Variants in KIAA1328 observed in about 807,000 individuals in gnomAD.
KIAA1328 encodes protein hinderin.
In KIAA1328, 52 loss-of-function variants were observed where a neutral mutation model predicts 68.1. That is an observed-to-expected ratio of 0.76 (90% confidence interval 0.61 to 0.96). The LOEUF is 0.96. KIAA1328 is among the 40% of genes least tolerant of loss of function. KIAA1328 has a pLI of 0.00. For missense variants in KIAA1328, 641 were observed against 677.6 expected (o/e 0.95, Z 0.60); for synonymous variants, 232 against 239.4 (o/e 0.97, Z 0.28).
chr18:36,968,577 G>C (rs1357783789), intron 6 of KIAA1328, among the ~76,000 whole-genome samples: 1 of 152,164 alleles, frequency 6.6e-6, no homozygotes, highest in African/African-American at 2.4e-5. Context: ...AATTCAACAT[G>C]AAAACCTAAT....
intron 4 of KIAA1328, among the ~76,000 whole-genome samples, chr18:36,868,355 G>A (rs1055632808): frequency 2.6e-5 from 4 of 152,186 alleles, no homozygotes; most frequent in Non-Finnish European, 5.9e-5. Flanking sequence ...TTTTGTACAA[G>A]ATTGCAAAAT....
At chr18:37,038,066 A>G (rs1287752756) in intron 6 of KIAA1328, among the ~76,000 whole-genome samples, 1 of 151,672 alleles carries the variant, frequency 6.6e-6, no homozygotes, top group Non-Finnish European at 1.5e-5. Context: ...GTGCCACTGC[A>G]CTCTAGCCTG....
At chr18:37,216,686 G>A (rs751376237) in intron 9 of KIAA1328, among the ~76,000 whole-genome samples, 2 of 152,074 alleles carry the variant, frequency 1.3e-5, no homozygotes, top group Non-Finnish European at 2.9e-5. Flanking sequence ...GGATATCCTT[G>A]TTAACCTGCT....
At chr18:36,998,108 C>G (rs1167116148) in intron 6 of KIAA1328, among the ~76,000 whole-genome samples, 2 of 152,162 alleles carry the variant, frequency 1.3e-5, no homozygotes, top group Admixed American at 6.5e-5. Flanking sequence ...CTTTGGAGAG[C>G]CTGAGTATAA....
At chr18:36,925,342 G>T (rs1026882003) in intron 5 of KIAA1328, among the ~76,000 whole-genome samples, 6 of 152,096 alleles carry the variant, frequency 3.9e-5, no homozygotes, top group Admixed American at 2.0e-4. Context: ...GAAAGAAGAA[G>T]GGCTGAGCTG....
intron 7 of KIAA1328, among the ~76,000 whole-genome samples, chr18:37,134,803 AC>A (rs1260603697): frequency 2.0e-4 from 30 of 152,144 alleles, no homozygotes; most frequent in Non-Finnish European, 3.8e-4. Flanking sequence ...TGACCCTATC[AC>A]CCAGGTACTG....
At chr18:37,013,046 G>A (rs1481615826) in intron 6 of KIAA1328, among the ~76,000 whole-genome samples, 1 of 152,076 alleles carries the variant, frequency 6.6e-6, no homozygotes, top group Non-Finnish European at 1.5e-5. Context: ...AACTCCCTGG[G>A]TGGCAATCAC....
chr18:37,179,612 T>C (rs931623483), intron 9 of KIAA1328, among the ~76,000 whole-genome samples: 4 of 152,138 alleles, frequency 2.6e-5, no homozygotes, highest in Non-Finnish European at 4.4e-5. Flanking sequence ...CCACTGAGAC[T>C]GAGAGCCAGG....
At chr18:37,019,478 C>A (rs1220475827) in intron 6 of KIAA1328, among the ~76,000 whole-genome samples, 1 of 152,266 alleles carries the variant, frequency 6.6e-6, no homozygotes, top group Non-Finnish European at 1.5e-5. Context: ...AACAACAGAT[C>A]TGGACCAGGC....
Position 37,098,087 on chromosome 18 carries a change from C to G in KIAA1328, c.1232+30542C>G, listed in dbSNP as rs146121298. Among the ~76,000 whole-genome samples the G allele has an allele frequency of 1.8e-3, 279 of 152,302 alleles. 3 individuals are homozygous for G. Among genetic ancestry groups the G allele is most frequent in the African/African-American group, 6.5e-3 (271 of 41,570 alleles). ...CATTTCCTTCTCGTGCCTGATTGCT[C>G]TGGCCAGAACTTCCAATACTATGTT... On this transcript the variant is annotated intron_variant, in intron 7 of 9. Coordinates refer to ENST00000280020, the MANE Select transcript of KIAA1328 (RefSeq NM_020776.3).
At chr18:37,022,237 G>C (rs2054376574) in intron 6 of KIAA1328, among the ~76,000 whole-genome samples, 1 of 152,042 alleles carries the variant, frequency 6.6e-6, no homozygotes, top group African/African-American at 2.4e-5. Flanking sequence ...CTTTTAGTCT[G>C]ATAGAGTGTC....
At chr18:37,111,843 C>A (rs753796883) in intron 7 of KIAA1328, among the ~76,000 whole-genome samples, 8 of 152,174 alleles carry the variant, frequency 5.3e-5, no homozygotes, top group Admixed American at 3.9e-4. Context: ...CTTTCCCAAC[C>A]GTCTTAGCAA....
At chr18:36,991,530 G>A (rs1427904008) in intron 6 of KIAA1328, among the ~76,000 whole-genome samples, 1 of 152,118 alleles carries the variant, frequency 6.6e-6, no homozygotes, top group Non-Finnish European at 1.5e-5. Flanking sequence ...ATATTTGACA[G>A]TTTTTTCATC....
chr18:37,046,231 T>C (rs1256631240), intron 6 of KIAA1328, among the ~76,000 whole-genome samples: 4 of 152,240 alleles, frequency 2.6e-5, no homozygotes, highest in Non-Finnish European at 5.9e-5. Context: ...CAGCCATAAA[T>C]TATATTTCAG....
At position 37,152,712 on chromosome 18, in the gene KIAA1328, T is replaced by A. The variant is rs183825152; in HGVS notation, c.1233-7488T>A. On this transcript the variant is annotated intron_variant, in intron 7 of 9. Coordinates refer to ENST00000280020, the MANE Select transcript of KIAA1328 (RefSeq NM_020776.3). The stretch of plus-strand genomic sequence containing the variant: ...TAGCTGTGGTGACAGAATATTATTT[T>A]AATACAAAAGTATTAAGTAAGTAAT... 1.8e-3 allele frequency among the ~76,000 whole-genome samples: 278 copies of A among 152,318 alleles called. 3 individuals are homozygous for A. The highest frequency in any genetic ancestry group is 6.5e-3 in the African/African-American group (270 of 41,570).
Position 37,222,087 on chromosome 18 carries a change from C to T in KIAA1328, c.1594C>T (p.Pro532Ser). Residue 532 changes from proline (P) to serine (S), a missense_variant, in exon 10 of 10, where the codon CCC becomes TCC. By Grantham distance (74) the Pro-to-Ser change is moderately conservative. Transcript: ENST00000280020. The stretch of plus-strand genomic sequence containing the variant: ...CTCTGCGCCCAAACCTCAGCGCTAT[C>T]CCTCCAGAGAAGCTGGGGCCTGGAA... ...PNSAPKPQRYPSREAGAWNHG... is the reference protein window; with the variant it reads ...PNSAPKPQRYSSREAGAWNHG... The T allele has an allele frequency of 2.5e-6, 4 of 1,613,690 alleles. No individual in the cohort carries two copies. Among genetic ancestry groups the T allele is most frequent in the Non-Finnish European group, 2.5e-6 (3 of 1,179,816 alleles).
At chr18:36,922,726 AGAAG>A (rs2151114646) in intron 5 of KIAA1328, among the ~76,000 whole-genome samples, 1 of 152,326 alleles carries the variant, frequency 6.6e-6, no homozygotes, top group South Asian at 2.1e-4. Flanking sequence ...TTAACTCAAC[AGAAG>A]TCTAAAGAAG....
Position 36,844,254 on chromosome 18 carries a change from G to A in KIAA1328, c.284G>A (p.Cys95Tyr), listed in dbSNP as rs1245905576. Residue 95 changes from cysteine (C) to tyrosine (Y), a missense_variant, in exon 4 of 10, where the codon TGT becomes TAT. Transcript: ENST00000280020. ...EIKSASLKDLCLEDKRRIANL... is the reference protein window; with the variant it reads ...EIKSASLKDLYLEDKRRIANL... ...AAGAGTGCATCATTGAAGGATTTAT[G>A]TCTTGAAGACAAAAGACGCATTGCA... 1.1e-5 allele frequency: 17 copies of A among 1,606,444 alleles called. No individual in the cohort carries two copies. In the South Asian group the frequency reaches 1.7e-4, roughly 16 times the overall value.
chr18:37,044,550 C>G (rs894489435), intron 6 of KIAA1328, among the ~76,000 whole-genome samples: 1 of 152,128 alleles, frequency 6.6e-6, no homozygotes, highest in Admixed American at 6.5e-5. Context: ...GTAATCCCAG[C>G]ACTTTGGGAG....
Sources: gnomAD v4.1 joint callset for allele counts (sites outside exome capture counted in the v4.1 genomes callset) on GRCh38, gnomAD v4.1.1 for gene constraint, MANE v1.5 for transcripts, NCBI Gene and HGNC (gene_info 2026-07-23, HGNC 2026-07-21) for gene names.